Variants in ATP10B observed in about 807,000 individuals in gnomAD.
ATP10B encodes phospholipid-transporting ATPase VB.
Under a neutral mutation model 141.2 loss-of-function variants are expected in ATP10B, and 122 were observed. That is an observed-to-expected ratio of 0.86 (90% confidence interval 0.75 to 1.00). ATP10B has a LOEUF of 1.00. Among genes scored for constraint, ATP10B ranks in the 50% least tolerant of loss-of-function variants. The pLI is 0.00. For synonymous variants in ATP10B, 685 were observed against 692.0 expected (o/e 0.99, Z 0.16); for missense variants, 1,876 against 1,825.3 (o/e 1.03, Z -0.51).
the ATP10B span, among the ~76,000 whole-genome samples, chr5:160,858,693 GT>G: frequency 5.9e-3 from 891 of 151,890 alleles, 11 homozygotes; most frequent in African/African-American, 0.02. Flanking sequence ...TGTTTGAACA[GT>G]TTTTTAGAAT....
chr5:160,575,804 C>CA (rs1351731407), intron 24 of ATP10B, among the ~76,000 whole-genome samples: 6 of 151,976 alleles, frequency 3.9e-5, no homozygotes, highest in African/African-American at 1.5e-4. Context: ...CTAGATGGTA[C>CA]AAAAAACCAA....
rs1402737662 is a variant in ATP10B, at chr5:160,620,908, C to G, written c.1855G>C (p.Glu619Gln). 1 of 1,613,976 alleles carries G rather than the reference C, an allele frequency of 6.2e-7. No homozygotes were observed. The highest frequency in any genetic ancestry group is 1.3e-5 in the African/African-American group (1 of 74,922). ...TTCTGGAAGAGCTGCTGAATCTTCT[C>G]CAGGGACGTCCCCAGAGCCTTGCTT... is the stretch of plus-strand genomic sequence containing the variant. Reference protein sequence around the residue: ...PSSKALGTSLEKIQQLFQKLK... With the variant: ...PSSKALGTSLQKIQQLFQKLK... The change falls in exon 15 of 26, where the codon GAG becomes CAG. Residue 619 changes from glutamate to glutamine, a missense_variant. Glu to Gln is a conservative substitution (Grantham distance 29, BLOSUM62 2). Transcript: ENST00000327245.
chr5:160,879,662 T>A, the ATP10B span, among the ~76,000 whole-genome samples: 1 of 151,760 alleles, frequency 6.6e-6, no homozygotes, highest in African/African-American at 2.4e-5. Context: ...CATAGTGAAA[T>A]CCTGTCTTTA....
the ATP10B span, among the ~76,000 whole-genome samples, chr5:160,869,336 A>G: frequency 6.6e-6 from 1 of 152,114 alleles, no homozygotes. Flanking sequence ...AGCTACTGTC[A>G]TATATCACCC....
chr5:160,637,614 G>A (rs1372768472), intron 10 of ATP10B, among the ~76,000 whole-genome samples: 1 of 152,206 alleles, frequency 6.6e-6, no homozygotes, highest in Non-Finnish European at 1.5e-5. Flanking sequence ...GATTATGTAA[G>A]GTGAAGTGCA....
chr5:160,657,146 T>C (rs1447900986), intron 7 of ATP10B, among the ~76,000 whole-genome samples: 1 of 152,146 alleles, frequency 6.6e-6, no homozygotes, highest in Non-Finnish European at 1.5e-5. Flanking sequence ...GGAGGTATGT[T>C]GCAACCTTGG....
At position 160,602,644 on chromosome 5, in the gene ATP10B, A is replaced by T. The variant is rs2127626410; in HGVS notation, c.3296T>A (p.Leu1099His). ...CGAGTAACACCAGTGGCCATGCACGAGCAGCAACTTCTTGAGATGCTTAAA... is the reference window on the plus strand; with the variant it reads ...CGAGTAACACCAGTGGCCATGCACGTGCAGCAACTTCTTGAGATGCTTAAA... ...TRFKHLKKLLLVHGHWCYSRL... is the reference protein window; with the variant it reads ...TRFKHLKKLLHVHGHWCYSRL... The change falls in exon 21 of 26, where the codon CTC becomes CAC. Residue 1099 changes from leucine (L) to histidine (H), a missense_variant. Leu to His is a moderately conservative substitution (Grantham distance 99). Transcript: ENST00000327245. The T allele has an allele frequency of 6.2e-7, 1 of 1,614,100 alleles. No individual in the cohort carries two copies. Among genetic ancestry groups the T allele is most frequent in the Non-Finnish European group, 8.5e-7 (1 of 1,179,966 alleles).
intron 7 of ATP10B, among the ~76,000 whole-genome samples, chr5:160,668,864 C>A (rs1401597478): frequency 2.0e-5 from 3 of 152,186 alleles, no homozygotes; most frequent in Non-Finnish European, 4.4e-5. Context: ...AGGACCAAAT[C>A]AATCACACAA....
At chr5:160,849,061 C>G (rs1306241766) in intron 1 of ATP10B, among the ~76,000 whole-genome samples, 1 of 152,100 alleles carries the variant, frequency 6.6e-6, no homozygotes, top group African/African-American at 2.4e-5. Context: ...GAGGTTTTGC[C>G]CTTCTAATAG....
chr5:160,622,810 A>G (rs754127565), intron 13 of ATP10B, among the ~76,000 whole-genome samples: 5 of 152,164 alleles, frequency 3.3e-5, no homozygotes, highest in Non-Finnish European at 7.4e-5. Context: ...CTTCACTCTC[A>G]GTGTCTTCCC....
intron 2 of ATP10B, among the ~76,000 whole-genome samples, chr5:160,751,219 C>G (rs889076600): frequency 3.3e-5 from 5 of 152,170 alleles, no homozygotes; most frequent in African/African-American, 1.2e-4. Flanking sequence ...GTTTTATTGG[C>G]ACTGACCACA....
At chr5:160,684,354 A>G (rs1045055041) in intron 6 of ATP10B, among the ~76,000 whole-genome samples, 1 of 152,252 alleles carries the variant, frequency 6.6e-6, no homozygotes, top group Admixed American at 6.5e-5. Flanking sequence ...TAGGAATTAC[A>G]AAATGAATTT....
intron 12 of ATP10B, 146 bp from the exon 13 acceptor site, chr5:160,632,513 G>A: frequency 2.9e-6 from 2 of 680,348 alleles, no homozygotes; most frequent in Non-Finnish European, 5.0e-6. Context: ...ACCAAGACTG[G>A]AGAAAGAAGG....
At chr5:160,925,733 T>C in the ATP10B span, among the ~76,000 whole-genome samples, 1 of 152,384 alleles carries the variant, frequency 6.6e-6, no homozygotes, top group East Asian at 1.9e-4. Context: ...GATTTCATGT[T>C]CTCCTTTGGT....
chr5:160,921,739 T>C, the ATP10B span, among the ~76,000 whole-genome samples: 3 of 152,230 alleles, frequency 2.0e-5, no homozygotes, highest in East Asian at 3.8e-4. Context: ...TGCCACAAGA[T>C]GTGAAAGTTG....
At chr5:160,821,005 C>G (rs1034645403) in intron 1 of ATP10B, among the ~76,000 whole-genome samples, 20 of 152,030 alleles carry the variant, frequency 1.3e-4, no homozygotes, top group Non-Finnish European at 7.4e-5. Flanking sequence ...CTACTTTCAC[C>G]TAGCTAGAGC....
intron 1 of ATP10B, among the ~76,000 whole-genome samples, chr5:160,795,518 G>A (rs1464962868): frequency 6.6e-6 from 1 of 151,958 alleles, no homozygotes; most frequent in East Asian, 1.9e-4. Flanking sequence ...ATAGGGGTGA[G>A]AATAGTGGCC....
chr5:160,854,329 C>G (rs1753944916), upstream of ATP10B, among the ~76,000 whole-genome samples: 1 of 152,034 alleles, frequency 6.6e-6, no homozygotes, highest in South Asian at 2.1e-4. Context: ...CTTCCCCTAG[C>G]CCCCCAACCC....
At chr5:160,872,320 T>C in the ATP10B span, among the ~76,000 whole-genome samples, 1 of 152,216 alleles carries the variant, frequency 6.6e-6, no homozygotes, top group Non-Finnish European at 1.5e-5. Flanking sequence ...TCTCCCACTC[T>C]GTGGGTTGTC....
Sources: gnomAD v4.1 joint callset for allele counts (sites outside exome capture counted in the v4.1 genomes callset) on GRCh38, gnomAD v4.1.1 for gene constraint, MANE v1.5 for transcripts, NCBI Gene and HGNC (gene_info 2026-07-23, HGNC 2026-07-21) for gene names.